The following NR2C1 variants were observed in gnomAD, a reference collection of about 807,000 sequenced individuals.
NR2C1 encodes the protein TR2 nuclear hormone receptor.
NR2C1 carries 33 observed loss-of-function variants against 74.8 expected under a neutral mutation model. That is an observed-to-expected ratio of 0.44 (90% CI 0.33 to 0.59). NR2C1 has a LOEUF of 0.59. NR2C1 is among the 20% of genes least tolerant of loss of function. The pLI is 0.02. For missense variants in NR2C1, 568 were observed against 715.6 expected (o/e 0.79, Z 2.35); for synonymous variants, 225 against 240.6 (o/e 0.94, Z 0.60).
chr12:95,072,850 T>C (rs1409056510), intron 1 of NR2C1: 1 of 151,984 alleles, frequency 6.6e-6, no homozygotes, highest in Non-Finnish European at 1.5e-5. Context: ...GAGAGAAAAG[T>C]GAAAGTGGGG....
chr12:95,039,567 A>G (rs1871252579), intron 10 of NR2C1, among the ~76,000 whole-genome samples: 1 of 152,230 alleles, frequency 6.6e-6, no homozygotes, highest in African/African-American at 2.4e-5. Context: ...AACTTTAGGT[A>G]AAGCTTGAGT....
chr12:95,052,025 T>C (rs1873079602), intron 7 of NR2C1, 82 bp from the exon 8 acceptor site: 2 of 899,636 alleles, frequency 2.2e-6, no homozygotes, highest in Admixed American at 6.5e-5. Context: ...TAGATTATGA[T>C]ATGCCAACAA....
Position 95,049,102 on chromosome 12 carries a change from C to T in NR2C1, c.1097G>A (p.Gly366Glu). The T allele has an allele frequency of 1.9e-6, 3 of 1,613,854 alleles. No homozygotes were observed. The highest frequency in any genetic ancestry group is 2.5e-6 in the Non-Finnish European group (3 of 1,179,902). The change falls in exon 9 of 14, where the codon GGG (glycine) becomes GAG (glutamate). Residue 366 changes from glycine to glutamate, a missense_variant. Transcript: ENST00000333003. The stretch of plus-strand genomic sequence containing the variant: ...TACATGTGAATCGCTGAGAAGTGGC[C>T]CCTCTTTTTCGGTGTAATTTATGCT... Reference protein sequence around the residue: ...DSSINYTEKEGPLLSDSHVAF... With the variant: ...DSSINYTEKEEPLLSDSHVAF...
chr12:95,072,179 CGAGGCGGGTGGATCA>C, intron 1 of NR2C1, among the ~76,000 whole-genome samples: 1 of 151,152 alleles, frequency 6.6e-6, no homozygotes, highest in South Asian at 2.1e-4. Flanking sequence ...TTTGGGAGGC[CGAGGCGGGTGGATCA>C]GAGGCGGGTA....
intron 10 of NR2C1, among the ~76,000 whole-genome samples, chr12:95,037,396 T>C (rs1449690447): frequency 6.6e-6 from 1 of 152,216 alleles, no homozygotes; most frequent in African/African-American, 2.4e-5. Flanking sequence ...AACTGTATAC[T>C]GACAATCAAC....
At chr12:95,070,710 C>T (rs1429528007) in intron 1 of NR2C1, among the ~76,000 whole-genome samples, 1 of 152,164 alleles carries the variant, frequency 6.6e-6, no homozygotes, top group Non-Finnish European at 1.5e-5. Context: ...GGTATTCATT[C>T]AATATTTATT....
rs755950579 is a variant in NR2C1 at position 95,051,952 on chromosome 12, A to C, written c.784-9T>G. 9 of 1,550,040 alleles carry C rather than the reference A, an allele frequency of 5.8e-6. No individual in the cohort carries two copies. Among genetic ancestry groups the C allele is most frequent in the Non-Finnish European group, 7.8e-6 (9 of 1,153,378 alleles). On this transcript the variant is annotated splice_polypyrimidine_tract_variant and intron_variant, in intron 7 of 13. Transcript: ENST00000333003. ...CCCTGACATGATTCAGCCTTTAAAA[A>C]AAAGGGTATTAAAATTCTGTGAATT... is the stretch of plus-strand genomic sequence containing the variant.
rs754576657 is a variant in NR2C1 at position 95,049,059 on chromosome 12, T to C, written c.1131+9A>G. 1.1e-5 allele frequency: 18 copies of C among 1,610,462 alleles called. No homozygotes were observed. Among genetic ancestry groups the C allele is most frequent in the Admixed American group, 1.0e-4 (6 of 59,312 alleles). The stretch of plus-strand genomic sequence containing the variant: ...CAACATACAAGTTAAAAAAAACATA[T>C]AGAAATACCCTGAAAGCTACATGTG... On this transcript the variant is annotated intron_variant, in intron 9 of 13. Transcript: ENST00000333003.
intron 4 of NR2C1, among the ~76,000 whole-genome samples, 167 bp downstream of exon 4, chr12:95,059,739 T>C (rs1482065224): frequency 6.6e-6 from 1 of 152,152 alleles, no homozygotes; most frequent in East Asian, 1.9e-4. Context: ...AAAAATTAGT[T>C]AAATGTTATA....
chr12:95,035,300 A>G (rs573872809), intron 10 of NR2C1, among the ~76,000 whole-genome samples: 2 of 152,294 alleles, frequency 1.3e-5, no homozygotes, highest in East Asian at 3.9e-4. Flanking sequence ...TTACTTTATA[A>G]TCCTATACTT....
At chr12:95,046,320 T>C (rs966838311) in intron 9 of NR2C1, among the ~76,000 whole-genome samples, 1 of 152,280 alleles carries the variant, frequency 6.6e-6, no homozygotes, top group African/African-American at 2.4e-5. Flanking sequence ...GTATGGTGGG[T>C]TACACTTGTA....
At chr12:95,035,115 G>T (rs1345673291) in intron 10 of NR2C1, among the ~76,000 whole-genome samples, 5 of 152,154 alleles carry the variant, frequency 3.3e-5, no homozygotes, top group Admixed American at 6.6e-5. Context: ...GACAAATGGG[G>T]TAAATTTACA....
At chr12:95,023,541 G>C (rs1315881756) in intron 13 of NR2C1, among the ~76,000 whole-genome samples, 1 of 152,180 alleles carries the variant, frequency 6.6e-6, no homozygotes, top group Non-Finnish European at 1.5e-5. Flanking sequence ...ACAGAATGTG[G>C]AATCAAGACC....
At chr12:95,046,601 A>T (rs529199969) in intron 9 of NR2C1, among the ~76,000 whole-genome samples, 1 of 152,304 alleles carries the variant, frequency 6.6e-6, no homozygotes, top group Admixed American at 6.5e-5. Flanking sequence ...GAAAAAAAAA[A>T]TTAAAAATTC....
intron 1 of NR2C1, among the ~76,000 whole-genome samples, chr12:95,067,814 C>G (rs760580996): frequency 1.1e-4 from 17 of 151,628 alleles, no homozygotes; most frequent in Non-Finnish European, 2.2e-4. Flanking sequence ...CTTCCTGTCT[C>G]GACCTCCCAA....
chr12:95,067,197 C>T, intron 2 of NR2C1, 134 bp downstream of exon 2: 1 of 748,034 alleles, frequency 1.3e-6, no homozygotes, highest in South Asian at 1.6e-5. Flanking sequence ...ATTCAACTAT[C>T]TCTCAGTAGC....
chr12:95,046,382 A>G (rs1872320086), intron 9 of NR2C1, among the ~76,000 whole-genome samples: 2 of 152,160 alleles, frequency 1.3e-5, no homozygotes, highest in South Asian at 2.1e-4. Flanking sequence ...GGCCAGGAGT[A>G]TAAGATAAGC....
At chr12:95,058,227 T>G in intron 5 of NR2C1, 83 bp downstream of exon 5, 2 of 1,220,622 alleles carry the variant, frequency 1.6e-6, no homozygotes, top group Non-Finnish European at 2.3e-6. Flanking sequence ...GTATACATAT[T>G]TGACATATTT....
chr12:95,042,480 T>C (rs912718060), intron 9 of NR2C1, among the ~76,000 whole-genome samples: 1 of 152,074 alleles, frequency 6.6e-6, no homozygotes, highest in African/African-American at 2.4e-5. Context: ...CCTAAAGTGC[T>C]AGGATTACAG....
Sources: allele counts gnomAD v4.1 joint callset (sites outside exome capture counted in the v4.1 genomes callset), GRCh38; gene constraint gnomAD v4.1.1; transcripts MANE v1.5; gene names NCBI Gene and HGNC (gene_info 2026-07-23, HGNC 2026-07-21).